The following USH2A variants were observed in gnomAD, a reference collection of about 807,000 sequenced individuals.
USH2A encodes the protein usherin.
In USH2A, 443 loss-of-function variants were observed where a neutral mutation model predicts 538.9. The ratio of observed to expected loss-of-function variants is 0.82; its 90% CI spans 0.76 to 0.89. The LOEUF is 0.89. USH2A is among the 40% of genes least tolerant of loss of function. USH2A has a pLI of 0.00. For missense variants in USH2A, 6,633 were observed against 6,324.8 expected (o/e 1.05, Z -1.65); for synonymous variants, 2,413 against 2,273.5 (o/e 1.06, Z -1.75).
At chr1:215,998,843 A>G in intron 34 of USH2A, 44 bp downstream of exon 34, 2 of 1,596,778 alleles carry the variant, frequency 1.3e-6, no homozygotes, top group Non-Finnish European at 1.7e-6. Context: ...GGGGAGAAGA[A>G]GTGGAAGGAA....
intron 21 of USH2A, among the ~76,000 whole-genome samples, chr1:216,125,651 G>A (rs1024639637): frequency 1.3e-5 from 2 of 152,164 alleles, no homozygotes; most frequent in Non-Finnish European, 2.9e-5. Flanking sequence ...CTTTTTATCA[G>A]TATTTTTTTA....
chr1:215,875,062 A>T (rs1379556125), intron 43 of USH2A, among the ~76,000 whole-genome samples: 1 of 152,204 alleles, frequency 6.6e-6, no homozygotes, highest in Non-Finnish European at 1.5e-5. Flanking sequence ...GATGTTGCCA[A>T]GGTGGCCAGT....
intron 2 of USH2A, 25 bp from the exon 3 acceptor site, chr1:216,418,704 G>GA (rs1481858388): frequency 3.1e-6 from 5 of 1,612,146 alleles, no homozygotes; most frequent in Non-Finnish European, 4.2e-6. Context: ...GGAAAAGAGA[G>GA]AAAAGGTCAG....
intron 61 of USH2A, among the ~76,000 whole-genome samples, chr1:215,695,527 G>C (rs1658777962): frequency 6.6e-6 from 1 of 152,080 alleles, no homozygotes; most frequent in Non-Finnish European, 1.5e-5. Context: ...ACAACTTACA[G>C]GAAAGGTGGG....
chr1:216,210,412 C>A (rs1040955970), intron 15 of USH2A, among the ~76,000 whole-genome samples: 2 of 151,924 alleles, frequency 1.3e-5, no homozygotes, highest in East Asian at 3.9e-4. Context: ...AATAATATGA[C>A]CCTGTGATCA....
At chr1:216,344,102 T>A (rs2038129195) in intron 4 of USH2A, among the ~76,000 whole-genome samples, 2 of 152,118 alleles carry the variant, frequency 1.3e-5, no homozygotes, top group Non-Finnish European at 2.9e-5. Flanking sequence ...TATTGCTGAT[T>A]ACAGATTTAA....
intron 30 of USH2A, among the ~76,000 whole-genome samples, chr1:216,063,129 G>C (rs780269378): frequency 1.3e-5 from 2 of 152,132 alleles, no homozygotes; most frequent in Non-Finnish European, 2.9e-5. Flanking sequence ...TAGCAAAACT[G>C]CTCAATAGCA....
At chr1:216,330,576 G>A (rs754580118) in intron 4 of USH2A, among the ~76,000 whole-genome samples, 1 of 151,828 alleles carries the variant, frequency 6.6e-6, no homozygotes, top group Non-Finnish European at 1.5e-5. Flanking sequence ...AAAGGGGGGA[G>A]GTTATTAGAA....
At position 215,782,851 on chromosome 1, in the gene USH2A, C is replaced by T. The variant is rs146130347; in HGVS notation, c.10472G>A (p.Arg3491Lys). The change falls in exon 53 of 72, where the codon AGA becomes AAA. Residue 3491 changes from arginine to lysine, a missense_variant. Coordinates refer to ENST00000307340, the MANE Select transcript of USH2A (RefSeq NM_206933.4). ...AGGCACATCTTCTTTTGTTCTGGCT[C>T]TCACAGCTTTGCTGAGTCCTCGCCC... is the stretch of plus-strand genomic sequence containing the variant. ...SYGRGLSKAVRARTKEDVPQG... is the reference protein window; with the variant it reads ...SYGRGLSKAVKARTKEDVPQG... 3.7e-6 allele frequency: 6 copies of T among 1,613,842 alleles called. No individual in the cohort carries two copies. The African/African-American group carries it at 8.0e-5, about 22-fold the overall frequency.
chr1:215,719,749 T>C (rs1261694216), intron 61 of USH2A, among the ~76,000 whole-genome samples: 1 of 152,216 alleles, frequency 6.6e-6, no homozygotes, highest in Non-Finnish European at 1.5e-5. Context: ...AACATTTTAG[T>C]TCAGACTTGA....
At chr1:216,330,572 G>A (rs1040820608) in intron 4 of USH2A, among the ~76,000 whole-genome samples, 1 of 152,002 alleles carries the variant, frequency 6.6e-6, no homozygotes, top group Admixed American at 6.6e-5. Flanking sequence ...AATAAAAGGG[G>A]GGAGGTTATT....
chr1:215,812,646 T>C (rs571578040), intron 49 of USH2A, among the ~76,000 whole-genome samples: 2 of 152,306 alleles, frequency 1.3e-5, no homozygotes, highest in African/African-American at 4.8e-5. Flanking sequence ...GGCTTTCTTG[T>C]CTTTCTCCTA....
chr1:216,137,477 T>C (rs2102607666), intron 21 of USH2A, among the ~76,000 whole-genome samples: 1 of 152,054 alleles, frequency 6.6e-6, no homozygotes, highest in Middle Eastern at 3.4e-3. Flanking sequence ...GAATATCATG[T>C]AAAAGAGTTT....
chr1:216,052,830 A>G (rs761877280), intron 30 of USH2A, among the ~76,000 whole-genome samples: 5 of 152,178 alleles, frequency 3.3e-5, no homozygotes, highest in Non-Finnish European at 7.3e-5. Context: ...AAGTTGTGCC[A>G]TGGCCAAAGA....
At chr1:215,916,370 T>C (rs921581444) in intron 38 of USH2A, among the ~76,000 whole-genome samples, 2 of 152,036 alleles carry the variant, frequency 1.3e-5, no homozygotes, top group African/African-American at 4.8e-5. Context: ...AAAGTCATCA[T>C]TATTTCTTAT....
intron 34 of USH2A, 34 bp from the exon 35 acceptor site, chr1:215,993,201 T>A (rs1017524164): frequency 1.2e-6 from 2 of 1,613,842 alleles, no homozygotes; most frequent in Non-Finnish European, 1.7e-6. Context: ...CATTTCACTC[T>A]TGGTCCCAAA....
chr1:216,308,755 A>C (rs1400210077), intron 9 of USH2A, among the ~76,000 whole-genome samples: 1 of 152,136 alleles, frequency 6.6e-6, no homozygotes, highest in Non-Finnish European at 1.5e-5. Context: ...GATGCATGTA[A>C]ACTTAGAATT....
chr1:215,877,812 C>A lies in USH2A; in HGVS notation c.8627G>T (p.Trp2876Leu). ...ASNPPEDLNR[W>L]HNIYSGTQWL... is the part of the protein sequence containing the mutation. Reference sequence around the variant, plus strand: ...CTGAGTTCCTGAATAAATATTGTGCCACCGATTTAAATCTTCTGGGGGATT... The same window carrying A: ...CTGAGTTCCTGAATAAATATTGTGCAACCGATTTAAATCTTCTGGGGGATT... The change falls in exon 43 of 72, where the codon TGG becomes TTG. Residue 2876 changes from tryptophan to leucine, a missense_variant. Physicochemically the swap from Trp to Leu is moderately conservative, Grantham distance 61. Transcript: ENST00000307340. 1 of 1,613,760 alleles carries A rather than the reference C, an allele frequency of 6.2e-7. No homozygotes were observed. Among genetic ancestry groups the A allele is most frequent in the Non-Finnish European group, 8.5e-7 (1 of 1,179,740 alleles).
At chr1:216,232,410 C>G (rs958305436) in intron 13 of USH2A, among the ~76,000 whole-genome samples, 1 of 152,084 alleles carries the variant, frequency 6.6e-6, no homozygotes, top group African/African-American at 2.4e-5. Context: ...AAAACTTGAC[C>G]TCCTCTAATC....
Sources: gnomAD v4.1 joint callset for allele counts (sites outside exome capture counted in the v4.1 genomes callset) on GRCh38, gnomAD v4.1.1 for gene constraint, MANE v1.5 for transcripts, NCBI Gene and HGNC (gene_info 2026-07-23, HGNC 2026-07-21) for gene names.